PNLIPRP3: variants seen among roughly 807,000 people sequenced by gnomAD.
PNLIPRP3 encodes pancreatic lipase related protein 3.
In PNLIPRP3, 58 loss-of-function variants were observed where a neutral mutation model predicts 52.8. That is an observed-to-expected ratio of 1.10 (90% CI 0.89 to 1.37). The LOEUF (loss-of-function observed/expected upper bound fraction) is 1.37, where lower values mean the gene tolerates loss of function less well. Ranked by LOEUF, PNLIPRP3 falls within the 40% of genes most tolerant of loss-of-function variation. PNLIPRP3 has a pLI of 0.00. For synonymous variants in PNLIPRP3, 192 were observed against 185.0 expected, an observed-to-expected ratio of 1.04 and a Z score of -0.31; for missense variants, 593 against 561.6, an observed-to-expected ratio of 1.06 and a Z score of -0.57.
intron 7 of PNLIPRP3, among the ~76,000 whole-genome samples, chr10:116,462,742 C>G (rs954753678): frequency 1.3e-5 from 2 of 151,982 alleles, no homozygotes; most frequent in Admixed American, 1.3e-4. Context: ...TCTATTAGGA[C>G]AAAATATAGC....
rs549539897 is a variant in PNLIPRP3, at chr10:116,437,213, T to C, written c.204+348T>C. ...TGAATAAACAGAACAGTCTTGACTT[T>C]ATTGCAGTGGGAGAAATGACATGTA... On this transcript the variant is annotated intron_variant, in intron 2 of 11. Transcript: ENST00000369230. Among the ~76,000 whole-genome samples the C allele has an allele frequency of 7.2e-5, 11 of 152,324 alleles. No homozygotes were observed. In the South Asian group the frequency reaches 2.3e-3, roughly 32 times the overall value.
intron 9 of PNLIPRP3, among the ~76,000 whole-genome samples, chr10:116,470,086 T>A (rs1846343187): frequency 6.6e-6 from 1 of 152,048 alleles, no homozygotes; most frequent in South Asian, 2.1e-4. Flanking sequence ...CAAGGACAAT[T>A]CTGGCTGTGG....
At chr10:116,436,318 C>T (rs1845772483) in intron 1 of PNLIPRP3, among the ~76,000 whole-genome samples, 2 of 152,104 alleles carry the variant, frequency 1.3e-5, no homozygotes, top group African/African-American at 2.4e-5. Context: ...TGAAATTGAA[C>T]CCTTACCTTA....
chr10:116,439,929 T>C, intron 2 of PNLIPRP3: 4 of 869,292 alleles, frequency 4.6e-6, no homozygotes, highest in Non-Finnish European at 8.0e-6. Context: ...TGGAAAATTC[T>C]GCAAAATTGA....
At chr10:116,434,906 C>A (rs1400881386) in intron 1 of PNLIPRP3, among the ~76,000 whole-genome samples, 30 of 151,884 alleles carry the variant, frequency 2.0e-4, no homozygotes, top group Non-Finnish European at 1.5e-5. Flanking sequence ...TTCATTCTTC[C>A]AGGAAGAGAA....
intron 1 of PNLIPRP3, 53 bp from the exon 2 acceptor site, chr10:116,436,658 G>A (rs1845778185): frequency 1.4e-6 from 2 of 1,466,862 alleles, no homozygotes; most frequent in African/African-American, 1.4e-5. Context: ...GAGAAACACA[G>A]CCTCTCTCTA....
At chr10:116,437,876 A>G (rs530558096) in intron 2 of PNLIPRP3, among the ~76,000 whole-genome samples, 1 of 152,284 alleles carries the variant, frequency 6.6e-6, no homozygotes, top group African/African-American at 2.4e-5. Flanking sequence ...TGGACATTAC[A>G]GATATAGAAT....
At chr10:116,461,396 T>G (rs1846190570) in intron 7 of PNLIPRP3, 106 bp downstream of exon 7, 2 of 1,348,486 alleles carry the variant, frequency 1.5e-6, no homozygotes, top group Non-Finnish European at 1.0e-6. Context: ...AAAATGTATT[T>G]TCTCTCAAAA....
intron 11 of PNLIPRP3, 25 bp from the exon 12 acceptor site, chr10:116,477,065 T>C: frequency 6.5e-7 from 1 of 1,535,588 alleles, no homozygotes; most frequent in Non-Finnish European, 8.9e-7. Flanking sequence ...TAAAATTCCT[T>C]TTTTTTTTCC....
At chr10:116,436,637 T>TAACTCATAG in intron 1 of PNLIPRP3, 74 bp from the exon 2 acceptor site, 2 of 1,389,404 alleles carry the variant, frequency 1.4e-6, no homozygotes. Context: ...AATTCTACTT[T>TAACTCATAG]AACTCATAGT....
intron 8 of PNLIPRP3, among the ~76,000 whole-genome samples, chr10:116,468,662 T>C (rs1271124534): frequency 6.6e-6 from 1 of 152,192 alleles, no homozygotes; most frequent in East Asian, 1.9e-4. Context: ...CAAGGACTGT[T>C]CTTTTGTGTG....
At chr10:116,445,443 T>C (rs1845931210) in intron 4 of PNLIPRP3, among the ~76,000 whole-genome samples, 1 of 152,128 alleles carries the variant, frequency 6.6e-6, no homozygotes, top group African/African-American at 2.4e-5. Flanking sequence ...GACTCATTTA[T>C]GCCCCGACAC....
At chr10:116,435,367 G>C (rs1172795186) in intron 1 of PNLIPRP3, among the ~76,000 whole-genome samples, 4 of 151,454 alleles carry the variant, frequency 2.6e-5, no homozygotes, top group African/African-American at 9.7e-5. Context: ...CTGGGAGTCA[G>C]GTTCTAATGA....
chr10:116,466,614 C>T (rs985506461), intron 8 of PNLIPRP3, among the ~76,000 whole-genome samples: 31 of 152,090 alleles, frequency 2.0e-4, no homozygotes, highest in Admixed American at 1.9e-3. Context: ...ATTATTTATA[C>T]AGAGCAGAAC....
intron 4 of PNLIPRP3, among the ~76,000 whole-genome samples, chr10:116,453,631 G>T (rs1041288277): frequency 1.3e-5 from 2 of 151,982 alleles, no homozygotes; most frequent in African/African-American, 4.8e-5. Context: ...GTGAGTACTT[G>T]CTCGGTTAGT....
chr10:116,452,478 C>A (rs1438700944), intron 4 of PNLIPRP3, among the ~76,000 whole-genome samples: 1 of 152,160 alleles, frequency 6.6e-6, no homozygotes, highest in Non-Finnish European at 1.5e-5. Flanking sequence ...CTATCCAAGA[C>A]AATGGGGAAA....
At chr10:116,445,760 G>T (rs1044582286) in intron 4 of PNLIPRP3, among the ~76,000 whole-genome samples, 14 of 152,144 alleles carry the variant, frequency 9.2e-5, no homozygotes, top group African/African-American at 3.4e-4. Context: ...GTGGGAAAAG[G>T]GTTTAGGGTG....
At chr10:116,437,865 C>A (rs561535988) in intron 2 of PNLIPRP3, among the ~76,000 whole-genome samples, 1 of 152,246 alleles carries the variant, frequency 6.6e-6, no homozygotes, top group African/African-American at 2.4e-5. Context: ...GGCTACCATA[C>A]TGGACATTAC....
At chr10:116,468,460 C>T (rs571191908) in intron 8 of PNLIPRP3, among the ~76,000 whole-genome samples, 160 of 152,200 alleles carry the variant, frequency 1.1e-3, no homozygotes, top group African/African-American at 3.3e-3. Context: ...TCCTTGTCCG[C>T]GTGATTCAGG....
Sources: allele counts gnomAD v4.1 joint callset (sites outside exome capture counted in the v4.1 genomes callset), GRCh38; gene constraint gnomAD v4.1.1; transcripts MANE v1.5; gene names NCBI Gene and HGNC (gene_info 2026-07-23, HGNC 2026-07-21).